The following FNDC3B variants were observed in gnomAD, a reference collection of about 807,000 sequenced individuals.
FNDC3B encodes fibronectin type III domain-containing protein 3B.
A neutral mutation model predicts 151.5 loss-of-function variants in FNDC3B; 12 were observed. That is an observed-to-expected ratio of 0.08 (90% confidence interval 0.05 to 0.13). The LOEUF (loss-of-function observed/expected upper bound fraction) is 0.13, where lower values mean the gene tolerates loss of function less well. Among genes scored for constraint, FNDC3B ranks in the 10% least tolerant of loss-of-function variants. The pLI is 1.00. For missense variants in FNDC3B, 1,214 were observed against 1,505.3 expected (o/e 0.81, Z 3.20); for synonymous variants, 528 against 549.0 (o/e 0.96, Z 0.54).
chr3:172,086,197 C>T (rs1204680611), intron 1 of FNDC3B, among the ~76,000 whole-genome samples: 1 of 151,856 alleles, frequency 6.6e-6, no homozygotes, highest in African/African-American at 2.4e-5. Context: ...GACGTGTCTA[C>T]AATAAATTAA....
At chr3:172,324,076 G>A (rs1308473582) in intron 11 of FNDC3B, among the ~76,000 whole-genome samples, 2 of 152,132 alleles carry the variant, frequency 1.3e-5, no homozygotes, top group African/African-American at 4.8e-5. Flanking sequence ...TGACATCAGG[G>A]GACAGGTTTG....
At chr3:172,116,277 C>T (rs1005574876) in intron 2 of FNDC3B, among the ~76,000 whole-genome samples, 10 of 152,160 alleles carry the variant, frequency 6.6e-5, no homozygotes, top group Non-Finnish European at 5.9e-5. Flanking sequence ...AGGTATAATT[C>T]ACATGTCATA....
At chr3:172,321,190 G>A (rs894730877) in intron 11 of FNDC3B, among the ~76,000 whole-genome samples, 1 of 152,174 alleles carries the variant, frequency 6.6e-6, no homozygotes. Context: ...GACTCCTGTG[G>A]TTTTAGGCTA....
chr3:172,057,683 C>CTT (rs11348946), intron 1 of FNDC3B, among the ~76,000 whole-genome samples: 10 of 139,930 alleles, frequency 7.1e-5, no homozygotes, highest in Non-Finnish European at 9.3e-5. Flanking sequence ...TAACATCTAC[C>CTT]TTTTTTTTTT....
intron 9 of FNDC3B, among the ~76,000 whole-genome samples, chr3:172,304,937 G>A (rs1353512957): frequency 6.6e-6 from 1 of 150,660 alleles, no homozygotes; most frequent in Admixed American, 6.6e-5. Flanking sequence ...AAAACCTTGA[G>A]TTTTTAAGAG....
At chr3:172,285,785 A>G in intron 6 of FNDC3B, 141 bp from the exon 7 acceptor site, 1 of 656,648 alleles carries the variant, frequency 1.5e-6, no homozygotes, top group South Asian at 1.7e-5. Flanking sequence ...TTTTCCTGGT[A>G]ACATTTGTAA....
At chr3:172,194,167 C>A (rs934247210) in intron 3 of FNDC3B, among the ~76,000 whole-genome samples, 1 of 152,096 alleles carries the variant, frequency 6.6e-6, no homozygotes, top group African/African-American at 2.4e-5. Context: ...CTGCAGTGAG[C>A]CGAGATCACG....
chr3:172,239,856 CTTTTTTTTTTTTTT>C (rs71179981), intron 4 of FNDC3B, among the ~76,000 whole-genome samples: 7 of 49,914 alleles, frequency 1.4e-4, no homozygotes, highest in Non-Finnish European at 1.8e-4. Flanking sequence ...CATTTTAGTT[CTTTTTTTTTTTTTT>C]TTTTTTTTTT....
chr3:172,108,110 G>A (rs1027519823), intron 1 of FNDC3B, among the ~76,000 whole-genome samples: 10 of 151,950 alleles, frequency 6.6e-5, no homozygotes, highest in African/African-American at 2.4e-4. Flanking sequence ...GGAGTTTGTG[G>A]TGAGCTGAGA....
intron 11 of FNDC3B, among the ~76,000 whole-genome samples, chr3:172,314,181 G>C (rs1236473385): frequency 6.6e-6 from 1 of 152,000 alleles, no homozygotes; most frequent in Non-Finnish European, 1.5e-5. Context: ...TGTTTTGCTG[G>C]AATCACCCTT....
intron 4 of FNDC3B, among the ~76,000 whole-genome samples, chr3:172,229,284 A>G (rs1048927935): frequency 8.5e-5 from 13 of 152,202 alleles, no homozygotes; most frequent in African/African-American, 3.1e-4. Flanking sequence ...TTGCCTTCGC[A>G]TGTAGTTAAA....
chr3:172,243,150 A>G (rs575371171), intron 4 of FNDC3B, among the ~76,000 whole-genome samples: 1 of 152,334 alleles, frequency 6.6e-6, no homozygotes, highest in East Asian at 1.9e-4. Flanking sequence ...CATTTTAGTC[A>G]AAGCCATTCA....
At position 172,295,454 on chromosome 3, in the gene FNDC3B, A is replaced by G. The variant is rs755923971; in HGVS notation, c.941A>G (p.Tyr314Cys). 19 of 1,613,888 alleles carry G rather than the reference A, an allele frequency of 1.2e-5. No homozygotes were observed. Among genetic ancestry groups the G allele is most frequent in the Non-Finnish European group, 1.6e-5 (19 of 1,179,862 alleles). ...CGPHSGLSFPYSYEVALSDKG... is the reference protein window; with the variant it reads ...CGPHSGLSFPCSYEVALSDKG... Reference sequence around the variant, plus strand: ...CCCCACAGTGGTCTTTCCTTCCCCTACAGTTACGAGGTGGCCTTATCAGAC... The same window carrying G: ...CCCCACAGTGGTCTTTCCTTCCCCTGCAGTTACGAGGTGGCCTTATCAGAC... Residue 314 changes from tyrosine (Y) to cysteine (C), a missense_variant, in exon 8 of 26, where the codon TAC becomes TGC. By Grantham distance (194) the Tyr-to-Cys change is radical. This residue lies in a region of FNDC3B where 156 missense variants were observed against 225.3 expected (regional missense o/e 0.69). Coordinates refer to ENST00000415807, the MANE Select transcript of FNDC3B (RefSeq NM_022763.4).
intron 1 of FNDC3B, among the ~76,000 whole-genome samples, chr3:172,066,893 T>C (rs557611661): frequency 3.3e-5 from 5 of 152,334 alleles, no homozygotes; most frequent in African/African-American, 9.6e-5. Context: ...GAAGCACTTT[T>C]ACTGAAAAGT....
At chr3:172,254,478 C>A (rs1560041934) in intron 6 of FNDC3B, among the ~76,000 whole-genome samples, 1 of 152,082 alleles carries the variant, frequency 6.6e-6, no homozygotes, top group Non-Finnish European at 1.5e-5. Context: ...GGAATAGGGA[C>A]TGTATCTGTT....
intron 25 of FNDC3B, among the ~76,000 whole-genome samples, chr3:172,386,727 C>CTGTCCCCTAGGGGACA (rs1735728139): frequency 7.6e-6 from 1 of 132,334 alleles, no homozygotes; most frequent in Non-Finnish European, 1.5e-5. Context: ...GGGGACAGAG[C>CTGTCCCCTAGGGGACA]GAGACTCTGT....
At chr3:172,294,427 A>G (rs1226347824) in intron 7 of FNDC3B, among the ~76,000 whole-genome samples, 1 of 152,180 alleles carries the variant, frequency 6.6e-6, no homozygotes, top group African/African-American at 2.4e-5. Flanking sequence ...GTTGCCCGAG[A>G]AGGAGGAAGA....
intron 3 of FNDC3B, among the ~76,000 whole-genome samples, chr3:172,171,934 A>C (rs1723304717): frequency 6.6e-6 from 1 of 152,210 alleles, no homozygotes; most frequent in African/African-American, 2.4e-5. Context: ...AGTATGGTGA[A>C]AGTAGATATG....
At chr3:172,232,069 T>TG (rs1210252591) in intron 4 of FNDC3B, among the ~76,000 whole-genome samples, 1 of 151,738 alleles carries the variant, frequency 6.6e-6, no homozygotes, top group Non-Finnish European at 1.5e-5. Context: ...TTAGCGGAGA[T>TG]GGGGTTTCAT....
Sources: allele counts gnomAD v4.1 joint callset (sites outside exome capture counted in the v4.1 genomes callset), GRCh38; gene constraint gnomAD v4.1.1; regional missense constraint gnomAD v4.1.1; transcripts MANE v1.5; gene names NCBI Gene and HGNC (gene_info 2026-07-23, HGNC 2026-07-21).